Variants in LRRC4C observed in about 807,000 individuals in gnomAD.
LRRC4C encodes the protein leucine rich repeat containing 4C, also known as leucine-rich repeat-containing protein 4C.
LRRC4C carries 5 observed loss-of-function variants against 33.6 expected under a neutral mutation model. That is an observed-to-expected ratio of 0.15 (90% CI 0.08 to 0.31). LRRC4C has a LOEUF of 0.31. LRRC4C is among the 10% of genes least tolerant of loss of function. The pLI, the probability that LRRC4C is intolerant of heterozygous loss-of-function variation, is 1.00. For missense variants in LRRC4C, 560 were observed against 796.7 expected (o/e 0.70, Z 3.58); for synonymous variants, 329 against 302.0 (o/e 1.09, Z -0.93).
rs78763445 is a variant in LRRC4C, at chr11:40,132,180, G to A, written c.-43+8621C>T. Among the ~76,000 whole-genome samples, 7 of 152,248 alleles carry A rather than the reference G, an allele frequency of 4.6e-5. No homozygotes were observed. In the East Asian group the frequency reaches 1.4e-3, roughly 29 times the overall value. Reference sequence around the variant, plus strand: ...GTTAGAGTTCTAGCTATAAATTAGCGAATTGACATTCTGCTCTATATATCA... The same window carrying A: ...GTTAGAGTTCTAGCTATAAATTAGCAAATTGACATTCTGCTCTATATATCA... On this transcript the variant is annotated intron_variant, in intron 6 of 6. Coordinates refer to ENST00000528697, the MANE Select transcript of LRRC4C (RefSeq NM_001258419.2).
At chr11:41,229,183 A>T (rs1238380725) in intron 1 of LRRC4C, among the ~76,000 whole-genome samples, 1 of 152,034 alleles carries the variant, frequency 6.6e-6, no homozygotes, top group East Asian at 1.9e-4. Context: ...GTATTTGGAG[A>T]TCAGGTCACT....
At chr11:41,331,115 T>C (rs1435183452) in intron 1 of LRRC4C, among the ~76,000 whole-genome samples, 1 of 152,132 alleles carries the variant, frequency 6.6e-6, no homozygotes, top group Non-Finnish European at 1.5e-5. Flanking sequence ...AATCTCTATC[T>C]TGAAGTCCTG....
intron 3 of LRRC4C, among the ~76,000 whole-genome samples, chr11:40,590,094 C>T (rs1045328809): frequency 3.3e-5 from 5 of 151,422 alleles, no homozygotes; most frequent in Non-Finnish European, 5.9e-5. Context: ...GTTCCATTCT[C>T]CCCGTCACTT....
intron 1 of LRRC4C, among the ~76,000 whole-genome samples, chr11:41,385,574 A>T (rs540997297): frequency 1.4e-4 from 22 of 151,878 alleles, no homozygotes; most frequent in Non-Finnish European, 2.4e-4. Context: ...CTTAATGATT[A>T]CTAAAATATA....
chr11:40,672,450 T>A (rs185748271), intron 2 of LRRC4C, among the ~76,000 whole-genome samples: 1 of 152,312 alleles, frequency 6.6e-6, no homozygotes, highest in African/African-American at 2.4e-5. Flanking sequence ...ATGAGAAAGT[T>A]AATAACAGCT....
At chr11:40,546,422 C>T (rs2135418374) in intron 3 of LRRC4C, among the ~76,000 whole-genome samples, 1 of 152,186 alleles carries the variant, frequency 6.6e-6, no homozygotes, top group African/African-American at 2.4e-5. Context: ...AAGACAGTTT[C>T]ATCCTCTAGA....
At chr11:40,815,339 C>T (rs1951663636) in intron 2 of LRRC4C, among the ~76,000 whole-genome samples, 1 of 152,182 alleles carries the variant, frequency 6.6e-6, no homozygotes, top group Non-Finnish European at 1.5e-5. Flanking sequence ...AATTACCACT[C>T]ACCAGGTCCC....
At chr11:40,708,559 T>A (rs1185527059) in intron 2 of LRRC4C, among the ~76,000 whole-genome samples, 1 of 152,232 alleles carries the variant, frequency 6.6e-6, no homozygotes, top group African/African-American at 2.4e-5. Context: ...CTAATTTGAT[T>A]GCCCTGTGGT....
At chr11:40,300,153 C>T (rs577070140) in intron 4 of LRRC4C, among the ~76,000 whole-genome samples, 6 of 152,220 alleles carry the variant, frequency 3.9e-5, no homozygotes, top group East Asian at 1.9e-4. Context: ...CAAGATTTCA[C>T]AAGAACTCAC....
chr11:41,290,447 G>A (rs1017193939), intron 1 of LRRC4C, among the ~76,000 whole-genome samples: 2 of 152,100 alleles, frequency 1.3e-5, no homozygotes, highest in Admixed American at 6.5e-5. Context: ...TCTGATGGGG[G>A]CCTCCATTCT....
intron 1 of LRRC4C, among the ~76,000 whole-genome samples, chr11:41,388,971 C>T (rs1367193737): frequency 6.6e-6 from 1 of 151,736 alleles, no homozygotes; most frequent in East Asian, 2.0e-4. Flanking sequence ...TCTCTTTTCA[C>T]AGGTAATTTG....
intron 1 of LRRC4C, among the ~76,000 whole-genome samples, chr11:41,034,401 GA>G (rs1856908853): frequency 6.8e-6 from 1 of 146,458 alleles, no homozygotes; most frequent in East Asian, 2.0e-4. Flanking sequence ...TATAGGAATG[GA>G]AAACAGACTA....
chr11:40,341,313 C>T lies in LRRC4C; in HGVS notation c.-269-21592G>A, dbSNP rs182425869. 7.0e-3 allele frequency among the ~76,000 whole-genome samples: 1,072 copies of T among 152,192 alleles called. 14 individuals carry two copies. Among genetic ancestry groups the T allele is most frequent in the African/African-American group, 0.024 (1,012 of 41,526 alleles). ...GTATATGTGCCACATTTTCTTAATC[C>T]AGTCTATCATTGTTGGACATTTGGC... On this transcript the variant is annotated intron_variant, in intron 3 of 6. Coordinates refer to ENST00000528697, the MANE Select transcript of LRRC4C (RefSeq NM_001258419.2).
intron 1 of LRRC4C, among the ~76,000 whole-genome samples, chr11:41,391,333 G>T (rs547213539): frequency 4.6e-4 from 70 of 151,996 alleles, no homozygotes; most frequent in Middle Eastern, 3.4e-3. Flanking sequence ...AGTGGAGCAG[G>T]GGGGAGAAGA....
At chr11:40,330,885 C>T (rs1173957052) in intron 3 of LRRC4C, among the ~76,000 whole-genome samples, 1 of 152,160 alleles carries the variant, frequency 6.6e-6, no homozygotes, top group East Asian at 1.9e-4. Flanking sequence ...AGATAAATTA[C>T]TGTTAACTAT....
At chr11:40,437,030 T>A (rs1951170706) in intron 3 of LRRC4C, among the ~76,000 whole-genome samples, 1 of 152,202 alleles carries the variant, frequency 6.6e-6, no homozygotes, top group Non-Finnish European at 1.5e-5. Context: ...CTGCTAGGGA[T>A]TAAAAGCATT....
chr11:41,106,519 A>G (rs1385959326), intron 1 of LRRC4C, among the ~76,000 whole-genome samples: 7 of 152,066 alleles, frequency 4.6e-5, no homozygotes, highest in African/African-American at 1.7e-4. Context: ...AGTAACAGGT[A>G]ATATCCAGGA....
chr11:41,033,351 C>T (rs996394701), intron 1 of LRRC4C, among the ~76,000 whole-genome samples: 1 of 151,906 alleles, frequency 6.6e-6, no homozygotes, highest in African/African-American at 2.4e-5. Context: ...CAAAACTAGT[C>T]AATATAAAAG....
intron 4 of LRRC4C, among the ~76,000 whole-genome samples, chr11:40,244,974 A>G (rs1866215372): frequency 6.6e-6 from 1 of 152,174 alleles, no homozygotes; most frequent in African/African-American, 2.4e-5. Flanking sequence ...AACTAGGACA[A>G]AATTGCATTA....
Sources: gnomAD v4.1 joint callset for allele counts (sites outside exome capture counted in the v4.1 genomes callset) on GRCh38, gnomAD v4.1.1 for gene constraint, MANE v1.5 for transcripts, NCBI Gene and HGNC (gene_info 2026-07-23, HGNC 2026-07-21) for gene names.